The following MEOX2 variants were observed in gnomAD, a reference collection of about 807,000 sequenced individuals.
MEOX2 encodes the protein mesenchyme homeobox 2, also known as homeobox protein MOX-2.
A neutral mutation model predicts 27.0 loss-of-function variants in MEOX2; 11 were observed. That is an observed-to-expected ratio of 0.41 (90% CI 0.26 to 0.68). The LOEUF (loss-of-function observed/expected upper bound fraction) is 0.68. MEOX2 is among the 30% of genes least tolerant of loss of function. The pLI is 0.33. For synonymous variants in MEOX2, 189 were observed against 155.4 expected (o/e 1.22, Z -1.61); for missense variants, 436 against 385.4 (o/e 1.13, Z -1.10).
At chr7:15,622,519 G>A (rs1333059392) in intron 2 of MEOX2, among the ~76,000 whole-genome samples, 2 of 151,896 alleles carry the variant, frequency 1.3e-5, no homozygotes, top group African/African-American at 4.8e-5. Context: ...ATATTCCTTG[G>A]TGTATATGTT....
chr7:15,680,336 T>A (rs1457191820), intron 1 of MEOX2: 1 of 151,992 alleles, frequency 6.6e-6, no homozygotes, highest in Non-Finnish European at 1.5e-5. Flanking sequence ...TCAATATTTT[T>A]ATAATGTAAG....
chr7:15,636,434 G>A (rs1002290406), intron 1 of MEOX2, among the ~76,000 whole-genome samples: 1 of 152,006 alleles, frequency 6.6e-6, no homozygotes, highest in Non-Finnish European at 1.5e-5. Flanking sequence ...AAACAACATA[G>A]GGTTCTAGCT....
At chr7:15,618,065 C>T (rs1041484542) in intron 2 of MEOX2, among the ~76,000 whole-genome samples, 4 of 152,014 alleles carry the variant, frequency 2.6e-5, no homozygotes, top group Non-Finnish European at 4.4e-5. Flanking sequence ...AAAAATGAAC[C>T]GAAAGCAACC....
At chr7:15,613,466 T>C (rs1242648015) in intron 2 of MEOX2, among the ~76,000 whole-genome samples, 2 of 151,828 alleles carry the variant, frequency 1.3e-5, no homozygotes, top group Non-Finnish European at 2.9e-5. Flanking sequence ...CATTATTGCA[T>C]CTTGTTTAGG....
intron 2 of MEOX2, among the ~76,000 whole-genome samples, chr7:15,619,875 T>C (rs903533418): frequency 6.6e-6 from 1 of 152,072 alleles, no homozygotes; most frequent in African/African-American, 2.4e-5. Flanking sequence ...TCTTTTACTT[T>C]ATACAGGTAA....
chr7:15,645,433 C>A (rs151133883), intron 1 of MEOX2, among the ~76,000 whole-genome samples: 2 of 151,878 alleles, frequency 1.3e-5, no homozygotes, highest in African/African-American at 4.8e-5. Flanking sequence ...ATCCAAATAC[C>A]GAAATGTAAA....
At chr7:15,624,913 T>C (rs1018170921) in intron 2 of MEOX2, among the ~76,000 whole-genome samples, 1 of 152,142 alleles carries the variant, frequency 6.6e-6, no homozygotes, top group Non-Finnish European at 1.5e-5. Flanking sequence ...CTGAAGTCAG[T>C]TAGAAAGAAG....
In MEOX2 at chr7:15,686,066, C is replaced by A. The variant is rs758998673; in HGVS notation, c.337G>T (p.Asp113Tyr). The change falls in exon 1 of 3, where the codon GAC becomes TAC. Residue 113 changes from aspartate to tyrosine, a missense_variant. By Grantham distance (160) the Asp-to-Tyr change is radical. Coordinates refer to ENST00000262041, the MANE Select transcript of MEOX2 (RefSeq NM_005924.5). ...AARHSLCLQP[D>Y]SGGPPELGSS... is the part of the protein sequence containing the mutation. ...CCCAACTCTGGGGGCCCTCCAGAGT[C>A]GGGCTGGAGGCAGAGGCTGTGCCGA... 1 of 1,598,154 alleles carries A rather than the reference C, an allele frequency of 6.3e-7. No individual in the cohort carries two copies. Among genetic ancestry groups the A allele is most frequent in the African/African-American group, 1.3e-5 (1 of 74,462 alleles).
intron 1 of MEOX2, among the ~76,000 whole-genome samples, chr7:15,650,705 T>C (rs996722816): frequency 6.6e-6 from 1 of 151,776 alleles, no homozygotes; most frequent in African/African-American, 2.4e-5. Context: ...TTGAGTTTTT[T>C]TGGGGGGGAG....
chr7:15,683,055 G>A (rs1007833067), intron 1 of MEOX2, among the ~76,000 whole-genome samples: 11 of 151,972 alleles, frequency 7.2e-5, no homozygotes, highest in Non-Finnish European at 1.2e-4. Flanking sequence ...GTGTGTCCAT[G>A]TGCATTTGTG....
chr7:15,615,803 T>A (rs2115353056), intron 2 of MEOX2, among the ~76,000 whole-genome samples: 1 of 152,192 alleles, frequency 6.6e-6, no homozygotes, highest in South Asian at 2.1e-4. Flanking sequence ...ATGATCATCA[T>A]CATTGTCACC....
At chr7:15,650,090 C>T (rs1406147453) in intron 1 of MEOX2, among the ~76,000 whole-genome samples, 2 of 151,998 alleles carry the variant, frequency 1.3e-5, no homozygotes, top group African/African-American at 2.4e-5. Flanking sequence ...CTCACCAGTC[C>T]AGCTCTTCTA....
chr7:15,641,527 A>G (rs1381664598), intron 1 of MEOX2, among the ~76,000 whole-genome samples: 2 of 152,090 alleles, frequency 1.3e-5, no homozygotes, highest in Non-Finnish European at 2.9e-5. Context: ...AGTGGGTCCC[A>G]TGAAGGCAGT....
chr7:15,671,959 C>T (rs1011508823), intron 1 of MEOX2, among the ~76,000 whole-genome samples: 2 of 151,796 alleles, frequency 1.3e-5, no homozygotes, highest in African/African-American at 2.4e-5. Context: ...CAGGCATGCT[C>T]GTGCATGCCT....
chr7:15,635,988 A>T (rs913123690), intron 1 of MEOX2, among the ~76,000 whole-genome samples: 1 of 152,004 alleles, frequency 6.6e-6, no homozygotes, highest in African/African-American at 2.4e-5. Context: ...ACGGAGTCAG[A>T]TAGTGTGCTT....
intron 1 of MEOX2, among the ~76,000 whole-genome samples, chr7:15,656,642 C>T (rs536752899): frequency 6.6e-6 from 1 of 151,726 alleles, no homozygotes; most frequent in African/African-American, 2.4e-5. Context: ...TTTATAAAAC[C>T]ATTATCTTAA....
intron 1 of MEOX2, among the ~76,000 whole-genome samples, chr7:15,631,576 G>C (rs975819415): frequency 6.6e-6 from 1 of 151,682 alleles, no homozygotes; most frequent in Non-Finnish European, 1.5e-5. Context: ...TAAGTTTATA[G>C]ACTTGACTTT....
intron 1 of MEOX2, among the ~76,000 whole-genome samples, chr7:15,647,092 T>C (rs1487232913): frequency 6.6e-6 from 1 of 152,066 alleles, no homozygotes; most frequent in Non-Finnish European, 1.5e-5. Context: ...ATATTAGAAA[T>C]ATTCCTTAAT....
chr7:15,629,068 C>T (rs192478194), intron 1 of MEOX2, among the ~76,000 whole-genome samples: 4 of 152,214 alleles, frequency 2.6e-5, no homozygotes, highest in Admixed American at 2.0e-4. Context: ...AGCCAGCACA[C>T]TTTTTCTCAT....
Sources: gnomAD v4.1 joint callset for allele counts (sites outside exome capture counted in the v4.1 genomes callset) on GRCh38, gnomAD v4.1.1 for gene constraint, MANE v1.5 for transcripts, NCBI Gene and HGNC (gene_info 2026-07-23, HGNC 2026-07-21) for gene names.